Variants in SPAG4 observed in about 807,000 individuals in gnomAD.
The protein encoded by SPAG4 is sperm-associated antigen 4 protein.
Under a neutral mutation model 53.9 loss-of-function variants are expected in SPAG4, and 54 were observed. The ratio of observed to expected loss-of-function variants is 1.00; its 90% confidence interval spans 0.80 to 1.26. The LOEUF (loss-of-function observed/expected upper bound fraction) is 1.26, where lower values mean the gene tolerates loss of function less well. Ranked by LOEUF, SPAG4 falls within the 50% of genes most tolerant of loss-of-function variation. The pLI, the probability that SPAG4 is intolerant of heterozygous loss-of-function variation, is 0.00. For synonymous variants in SPAG4, 246 were observed against 237.4 expected (o/e 1.04, Z -0.33); for missense variants, 548 against 568.6 (o/e 0.96, Z 0.37).
At chr20:35,619,116 G>GC in intron 8 of SPAG4, 79 bp from the exon 9 acceptor site, 3 of 468,584 alleles carry the variant, frequency 6.4e-6, no homozygotes, top group Admixed American at 4.6e-5. Context: ...GCCCCCACCC[G>GC]CCCCCAGCCC....
intron 1 of SPAG4, 55 bp from the exon 2 acceptor site, chr20:35,617,081 G>A (rs1157787950): frequency 1.9e-5 from 23 of 1,196,750 alleles, no homozygotes; most frequent in Non-Finnish European, 2.8e-5. Flanking sequence ...CGGTCTCGAG[G>A]GGAAAATAGG....
At chr20:35,618,802 C>G in intron 7 of SPAG4, 82 bp downstream of exon 7, 1 of 1,425,492 alleles carries the variant, frequency 7.0e-7, no homozygotes, top group Admixed American at 1.9e-5. Context: ...CAGAGCCCTG[C>G]GGGATTTCTC....
intron 1 of SPAG4, among the ~76,000 whole-genome samples, chr20:35,616,591 T>C (rs2031389751): frequency 6.7e-6 from 1 of 148,918 alleles, no homozygotes; most frequent in Non-Finnish European, 1.5e-5. Context: ...CACCAAGATC[T>C]AAGGCTGGGG....
rs149421264 is a variant in SPAG4, at chr20:35,617,173, C to T, written c.342C>T (p.Leu114=). ...CTCCAGTAGTCTCTGAGGAGCCGCT[C>T]GACCTTCTCCCGACCCTGGATCTGA... ...TGSPVVSEEP[L]DLLPTLDLRQ... The change falls in exon 2 of 12, where the codon CTC becomes CTT. Residue 114 remains leucine, a synonymous_variant. Transcript: ENST00000374273. The T allele has an allele frequency of 2.2e-5, 35 of 1,597,512 alleles. No individual in the cohort carries two copies. Among genetic ancestry groups the T allele is most frequent in the Non-Finnish European group, 3.0e-5 (35 of 1,171,982 alleles).
chr20:35,616,372 C>T, intron 1 of SPAG4, 65 bp downstream of exon 1: 2 of 1,321,894 alleles, frequency 1.5e-6, no homozygotes, highest in Non-Finnish European at 2.0e-6. Context: ...CGGTGCTGGG[C>T]GGGGACGGGG....
chr20:35,617,792 A>G lies in SPAG4; in HGVS notation c.490A>G (p.Ile164Val), dbSNP rs1431944582. 6.2e-7 allele frequency: 1 copy of G among 1,613,854 alleles called. No homozygotes were observed. Among genetic ancestry groups the G allele is most frequent in the Admixed American group, 1.7e-5 (1 of 60,006 alleles). Residue 164 changes from isoleucine to valine, a missense_variant, in exon 4 of 12, where the codon ATC becomes GTC. Physicochemically the swap from Ile to Val is conservative, Grantham distance 29. Coordinates refer to ENST00000374273, the MANE Select transcript of SPAG4 (RefSeq NM_003116.3). ...LVSMYREVCS[I>V]RFLFTAVSLL... ...CCGGTTCCCCAGGGAGGTCTGTTCC[A>G]TCCGCTTCCTGTTCACGGCTGTGTC...
At position 35,619,601 on chromosome 20, in the gene SPAG4, G is replaced by C. The variant is rs1486010448; in HGVS notation, c.932G>C (p.Cys311Ser). Residue 311 changes from cysteine (C) to serine (S), a missense_variant, in exon 10 of 12, where the codon TGC becomes TCC. Coordinates refer to ENST00000374273, the MANE Select transcript of SPAG4 (RefSeq NM_003116.3). ...ILEPHVFPGN[C>S]WAFEGDQGQV... ...CAGCCCCACGTGTTCCCTGGGAATT[G>C]CTGGGCTTTTGAAGGCGACCAAGGC... The C allele has an allele frequency of 6.2e-7, 1 of 1,613,786 alleles. No homozygotes were observed. Among genetic ancestry groups the C allele is most frequent in the Non-Finnish European group, 8.5e-7 (1 of 1,179,904 alleles).
rs10668654 is a variant in SPAG4, at chr20:35,620,626, G to GCCC, written c.1078-52_1078-50dup. On this transcript the variant is annotated intron_variant, in intron 10 of 11. Transcript: ENST00000374273. ...TCCTCAGCAAAGTTTTCTTCTCCCCGCCCCCCCCGCCCCACCTGTCCCCCT... is the reference window on the plus strand; with the variant it reads ...TCCTCAGCAAAGTTTTCTTCTCCCCGCCCCCCCCCCCGCCCCACCTGTCCCCCT... 4.7e-3 allele frequency: 1,356 copies of GCCC among 287,464 alleles called. 28 individuals carry two copies. The highest frequency in any genetic ancestry group is 0.028 in the African/African-American group (942 of 34,136). 17.8% of individuals were successfully genotyped at this position (287,464 alleles called of 1,614,324 possible).
chr20:35,619,094 G>C, intron 8 of SPAG4, 96 bp downstream of exon 8: 1 of 1,424,998 alleles, frequency 7.0e-7, no homozygotes, highest in Non-Finnish European at 9.7e-7. Flanking sequence ...GCCGAAGACA[G>C]AGCCTCGGAC....
At chr20:35,617,671 C>G (rs2031434283) in intron 3 of SPAG4, 85 bp downstream of exon 3, 2 of 1,567,644 alleles carry the variant, frequency 1.3e-6, no homozygotes, top group Non-Finnish European at 1.8e-6. Flanking sequence ...GCGCTTGAGC[C>G]GATTCAGATC....
At position 35,617,790 on chromosome 20, in the gene SPAG4, C is replaced by A; in HGVS notation, c.488C>A (p.Ser163Tyr). ...CTCCGGTTCCCCAGGGAGGTCTGTTCCATCCGCTTCCTGTTCACGGCTGTG... is the reference window on the plus strand; with the variant it reads ...CTCCGGTTCCCCAGGGAGGTCTGTTACATCCGCTTCCTGTTCACGGCTGTG... ...VLVSMYREVC[S>Y]IRFLFTAVSL... is the part of the protein sequence containing the mutation. The change falls in exon 4 of 12, where the codon TCC (serine) becomes TAC (tyrosine). Residue 163 changes from serine to tyrosine, a missense_variant. By Grantham distance (144) the Ser-to-Tyr change is moderately radical. Transcript: ENST00000374273. The A allele has an allele frequency of 6.2e-7, 1 of 1,613,974 alleles. No homozygotes were observed. The highest frequency in any genetic ancestry group is 8.5e-7 in the Non-Finnish European group (1 of 1,179,946).
chr20:35,617,287 T>C (rs1160324333), intron 2 of SPAG4, 47 bp downstream of exon 2: 1 of 1,346,690 alleles, frequency 7.4e-7, no homozygotes, highest in Non-Finnish European at 1.0e-6. Flanking sequence ...CGGGTTCCCC[T>C]CTCCGAACTC....
rs774744144 is a variant in SPAG4 at position 35,617,264 on chromosome 20, C to T, written c.409+24C>T. 11 of 1,497,334 alleles carry T rather than the reference C, an allele frequency of 7.3e-6. No homozygotes were observed. In the East Asian group the frequency reaches 2.4e-4, roughly 32 times the overall value. 92.8% of individuals were successfully genotyped at this position (1,497,334 alleles called of 1,614,324 possible). On this transcript the variant is annotated intron_variant, in intron 2 of 11. Coordinates refer to ENST00000374273, the MANE Select transcript of SPAG4 (RefSeq NM_003116.3). ...GAGTACGGGCCAGGCCAGCTGCGAT[C>T]CCCTCTGACCCTCGGGTTCCCCTCT...
chr20:35,618,006 G>T (rs186853084), intron 4 of SPAG4, 81 bp from the exon 5 acceptor site: 5 of 1,496,406 alleles, frequency 3.3e-6, no homozygotes, highest in Admixed American at 1.7e-5. Context: ...ACCCCCTCAA[G>T]CCTCTTTCCA....
intron 8 of SPAG4, 35 bp downstream of exon 8, chr20:35,619,033 G>A (rs1034346533): frequency 4.4e-6 from 7 of 1,586,146 alleles, no homozygotes; most frequent in Non-Finnish European, 6.1e-6. Context: ...CAGAGACGCA[G>A]ACAGGAAAGA....
chr20:35,618,876 C>G lies in SPAG4; in HGVS notation c.718-47C>G, dbSNP rs984120456. The G allele has an allele frequency of 3.2e-6, 5 of 1,573,960 alleles. No individual in the cohort carries two copies. In the African/African-American group the frequency reaches 6.7e-5, roughly 21 times the overall value. On this transcript the variant is annotated intron_variant, in intron 7 of 11. Transcript: ENST00000374273. The stretch of plus-strand genomic sequence containing the variant: ...CAGAGGTCCCGTCCACCTGTAAAAG[C>G]AGCCCGCAAGCCTCGCCCCTCCAGG...
chr20:35,617,944 C>A, intron 4 of SPAG4, 104 bp downstream of exon 4: 1 of 1,392,424 alleles, frequency 7.2e-7, no homozygotes, highest in Non-Finnish European at 1.0e-6. Context: ...TGGCATTCCC[C>A]TGCAGAACCC....
rs748456754 is a variant in SPAG4 at position 35,619,042 on chromosome 20, G to A, written c.793+44G>A. The A allele has an allele frequency of 7.1e-5, 111 of 1,565,818 alleles. 1 individual carries two copies. The highest frequency in any genetic ancestry group is 8.5e-5 in the Non-Finnish European group (97 of 1,136,252). ...GGAAGACAGAGACGCAGACAGGAAA[G>A]AGGCCAAGACACTGACACAGACAGA... On this transcript the variant is annotated intron_variant, in intron 8 of 11. Coordinates refer to ENST00000374273, the MANE Select transcript of SPAG4 (RefSeq NM_003116.3).
At chr20:35,617,983 CT>C in intron 4 of SPAG4, 103 bp from the exon 5 acceptor site, 1 of 1,379,858 alleles carries the variant, frequency 7.2e-7, no homozygotes, top group Non-Finnish European at 1.0e-6. Flanking sequence ...TCCCACGGTC[CT>C]CCCCAGGCTT....
Sources: gnomAD v4.1 joint callset for allele counts (sites outside exome capture counted in the v4.1 genomes callset) on GRCh38, gnomAD v4.1.1 for gene constraint, MANE v1.5 for transcripts, NCBI Gene and HGNC (gene_info 2026-07-23, HGNC 2026-07-21) for gene names.